TTN: variants seen among roughly 807,000 people sequenced by gnomAD.
The protein encoded by TTN is titin.
In TTN, 1,525 loss-of-function variants were observed where a neutral mutation model predicts 3,223.0. The ratio of observed to expected loss-of-function variants is 0.47; its 90% CI spans 0.45 to 0.49. TTN has a LOEUF of 0.49. Ranked by LOEUF, TTN falls within the 20% of genes least tolerant of loss-of-function variation. TTN has a pLI of 0.00. For missense variants in TTN, 40,786 were observed against 43,424.0 expected, an observed-to-expected ratio of 0.94 and a Z score of 5.40; for synonymous variants, 14,094 against 15,161.0, an observed-to-expected ratio of 0.93 and a Z score of 5.17.
Position 178,725,350 on chromosome 2 carries a change from G to T in TTN, c.20836+18C>A. On this transcript the variant is annotated intron_variant, in intron 71 of 362. Transcript: ENST00000589042. ...CCAGCATTTGGCACCAGTTTCTATCGTGGGCTATTGTACCAACCTAAGACC... is the reference window on the plus strand; with the variant it reads ...CCAGCATTTGGCACCAGTTTCTATCTTGGGCTATTGTACCAACCTAAGACC... The T allele has an allele frequency of 6.9e-7, 1 of 1,455,392 alleles. No homozygotes were observed. 90.2% of individuals were successfully genotyped at this position (1,455,392 alleles called of 1,614,324 possible).
At chr2:178,642,923 C>T (rs139390245) in intron 218 of TTN, among the ~76,000 whole-genome samples, 1 of 151,990 alleles carries the variant, frequency 6.6e-6, no homozygotes, top group East Asian at 1.9e-4. Context: ...GTTGGAAGCT[C>T]GTTTTTCATG....
chr2:178,622,128 A>G, intron 243 of TTN, 120 bp from the exon 244 acceptor site: 1 of 938,376 alleles, frequency 1.1e-6, no homozygotes, highest in Non-Finnish European at 1.6e-6. Context: ...TAGTGTGAAG[A>G]AGAACCAAGG....
At chr2:178,708,276 A>C (rs2076164303) in intron 99 of TTN, among the ~76,000 whole-genome samples, 2 of 152,174 alleles carry the variant, frequency 1.3e-5, no homozygotes, top group Admixed American at 1.3e-4. Context: ...GAGCCCACAT[A>C]TTTATATGTG....
Position 178,800,404 on chromosome 2 carries a change from G to T in TTN, c.574C>A (p.Leu192Met). ...AACCTCCAGCACGTACCTTGAACCA[G>T]TAATTCAGCAGTCGAAGTAGCTCTT... The part of the protein sequence containing the change: ...VGRATSTAEL[L>M]VQGEEEVPAK... Residue 192 changes from leucine to methionine, a missense_variant, in exon 4 of 363, where the codon CTG becomes ATG. Coordinates refer to ENST00000589042, the MANE Select transcript of TTN (RefSeq NM_001267550.2). 1 of 1,614,106 alleles carries T rather than the reference G, an allele frequency of 6.2e-7. No individual in the cohort carries two copies. The highest frequency in any genetic ancestry group is 8.5e-7 in the Non-Finnish European group (1 of 1,179,984).
chr2:178,735,898 G>A lies in TTN; in HGVS notation c.14548C>T (p.His4850Tyr). Residue 4850 changes from histidine to tyrosine, a missense_variant, in exon 50 of 363, where the codon CAC becomes TAC. Transcript: ENST00000589042. Reference sequence around the variant, plus strand: ...GTAAGGTTTGAGAGTTCTAAAATGTGTTTGTTTTCTGCGTCGGAAATCCTC... The same window carrying A: ...GTAAGGTTTGAGAGTTCTAAAATGTATTTGTTTTCTGCGTCGGAAATCCTC... ...NWRISDAENKHILELSNLTIQ... is the reference protein window; with the variant it reads ...NWRISDAENKYILELSNLTIQ... 6.2e-7 allele frequency: 1 copy of A among 1,613,896 alleles called. No individual in the cohort carries two copies. Among genetic ancestry groups the A allele is most frequent in the African/African-American group, 1.3e-5 (1 of 75,056 alleles).
At chr2:178,757,236 A>G (rs1047285361) in intron 45 of TTN, among the ~76,000 whole-genome samples, 1 of 262 alleles carries the variant, frequency 3.8e-3, no homozygotes, top group African/African-American at 6.6e-3. Flanking sequence ...AATAATCAGC[A>G]AATAGATCAT....
In TTN at chr2:178,568,770, G is replaced by A. The variant is rs939575680; in HGVS notation, c.77362C>T (p.Pro25788Ser). Residue 25788 changes from proline (P) to serine (S), a missense_variant, in exon 326 of 363, where the codon CCA (proline) becomes TCA (serine). Physicochemically the swap from Pro to Ser is moderately conservative, Grantham distance 74. Coordinates refer to ENST00000589042, the MANE Select transcript of TTN (RefSeq NM_001267550.2). Reference sequence around the variant, plus strand: ...ATTACCAGATCTTTGGCAACTATTGGAACTGCAAGGGACCGAGGATCACTT... The same window carrying A: ...ATTACCAGATCTTTGGCAACTATTGAAACTGCAAGGGACCGAGGATCACTT... ...GRSDPRSLAV[P>S]IVAKDLVIEP... 6.2e-7 allele frequency: 1 copy of A among 1,612,760 alleles called. No homozygotes were observed.
Position 178,537,208 on chromosome 2 carries a change from C to T in TTN, c.99901G>A (p.Glu33301Lys), listed in dbSNP as rs72648278. The change falls in exon 356 of 363, where the codon GAA (glutamate) becomes AAA (lysine). Residue 33301 changes from glutamate (E) to lysine (K), a missense_variant. Coordinates refer to ENST00000589042, the MANE Select transcript of TTN (RefSeq NM_001267550.2). ...ACTGCGGAGTTCTTCAATAGAGCTT[C>T]GATCACAATTGGTCCTGTAGGTTTG... ...PDKPTGPIVI[E>K]ALLKNSAVIS... is the part of the protein sequence containing the mutation. 868 of 1,610,328 alleles carry T rather than the reference C, an allele frequency of 5.4e-4. No homozygotes were observed. Among genetic ancestry groups the T allele is most frequent in the Non-Finnish European group, 6.9e-4 (808 of 1,177,238 alleles).
chr2:178,630,405 A>G, intron 238 of TTN, 38 bp from the exon 239 acceptor site: 1 of 1,555,672 alleles, frequency 6.4e-7, no homozygotes, highest in East Asian at 2.3e-5. Context: ...ATAGAAAATA[A>G]TTTTCTTTGA....
chr2:178,741,421 G>A lies in TTN; in HGVS notation c.11812C>T (p.Pro3938Ser), dbSNP rs866702787. 5.0e-6 allele frequency: 8 copies of A among 1,613,896 alleles called. No homozygotes were observed. The highest frequency in any genetic ancestry group is 1.1e-5 in the South Asian group (1 of 91,078). ...SLEKLGGPCP[P>S]HFLKELKPIR... is the part of the protein sequence containing the mutation. ...GGTTTTAACTCCTTAAGGAAGTGAG[G>A]AGGACAAGGACCTCCCAGCTTTTCC... The change falls in exon 48 of 363, where the codon CCT (proline) becomes TCT (serine). Residue 3938 changes from proline to serine, a missense_variant. By Grantham distance (74) the Pro-to-Ser change is moderately conservative (BLOSUM62 -1). Transcript: ENST00000589042.
At chr2:178,550,683 A>T (rs892199230) in intron 336 of TTN, 1 of 452,302 alleles carries the variant, frequency 2.2e-6, no homozygotes. Context: ...ATTCTCGAGA[A>T]CCTTTTCTTT....
intron 149 of TTN, 53 bp from the exon 150 acceptor site, chr2:178,675,166 AT>A (rs1560280829): frequency 8.1e-7 from 1 of 1,241,880 alleles, no homozygotes; most frequent in East Asian, 2.6e-5. Context: ...CCAAAGAAGA[AT>A]AAAGACCACG....
Position 178,694,883 on chromosome 2 carries a change from T to C in TTN, c.31294A>G (p.Lys10432Glu). 1.9e-6 allele frequency: 3 copies of C among 1,557,024 alleles called. No individual in the cohort carries two copies. The highest frequency in any genetic ancestry group is 2.6e-6 in the Non-Finnish European group (3 of 1,149,008). ...ATTCTTCGAGAAGTCTTTTCAATTT[T>C]TTCAATTACTGGCTTCTTTATAACT... Reference protein sequence around the residue: ...PKVIKKPVIEKIEKTSRRMEE... With the variant: ...PKVIKKPVIEEIEKTSRRMEE... Residue 10432 changes from lysine (K) to glutamate (E), a missense_variant, in exon 116 of 363, where the codon AAA (lysine) becomes GAA (glutamate). Transcript: ENST00000589042.
rs1687030175 is a variant in TTN, at chr2:178,527,694, C to G, written c.107432G>C (p.Ser35811Thr). 3.1e-6 allele frequency: 5 copies of G among 1,612,832 alleles called. No individual in the cohort carries two copies. The highest frequency in any genetic ancestry group is 4.2e-6 in the Non-Finnish European group (5 of 1,179,102). The stretch of plus-strand genomic sequence containing the variant: ...CTGAGACGAGAAGCTTCCTTGCAAG[C>G]TTGTGTCACCACTTGTTCTCAATAC... ...EVVLRTSGDT[S>T]LQGSFSSQSV... The change falls in exon 362 of 363, where the codon AGC becomes ACC. Residue 35811 changes from serine to threonine, a missense_variant. Physicochemically the swap from Ser to Thr is moderately conservative, Grantham distance 58. Coordinates refer to ENST00000589042, the MANE Select transcript of TTN (RefSeq NM_001267550.2).
In TTN at chr2:178,533,122, A is replaced by G; in HGVS notation, c.103493T>C (p.Val34498Ala). Residue 34498 changes from valine to alanine, a missense_variant, in exon 358 of 363, where the codon GTA becomes GCA. Coordinates refer to ENST00000589042, the MANE Select transcript of TTN (RefSeq NM_001267550.2). The part of the protein sequence containing the change: ...SGTESVPLTQ[V>A]AKEALREAAV... ...AGCTTCTCTCAGAGCCTCTTTAGCT[A>G]CCTGTGTCAGTGGTACACTTTCAGT... 6.2e-7 allele frequency: 1 copy of G among 1,613,926 alleles called. No individual in the cohort carries two copies. The highest frequency in any genetic ancestry group is 8.5e-7 in the Non-Finnish European group (1 of 1,179,860).
Position 178,722,513 on chromosome 2 carries a change from A to C in TTN, c.22274T>G (p.Leu7425Ter). 2.5e-6 allele frequency: 4 copies of C among 1,612,786 alleles called. No individual in the cohort carries two copies. Among genetic ancestry groups the C allele is most frequent in the Non-Finnish European group, 3.4e-6 (4 of 1,179,208 alleles). Reference protein sequence around the residue: ...RQLPPSFARQLKDIEQTVGLP... With the variant: ...RQLPPSFARQ ...CCCCACAGTTTGTTCAATGTCCTTT[A>C]ATTGTCTTGCAAAAGAAGGTGGGAG... Residue 7425 changes from leucine (L) to a stop codon, truncating the protein, a stop_gained, in exon 77 of 363, where the codon TTA (leucine) becomes TGA (stop). Coordinates refer to ENST00000589042, the MANE Select transcript of TTN (RefSeq NM_001267550.2). LOFTEE classifies it high-confidence loss of function.
Position 178,625,260 on chromosome 2 carries a change from G to A in TTN, c.44548+13C>T. The A allele has an allele frequency of 6.2e-7, 1 of 1,603,690 alleles. No homozygotes were observed. The highest frequency in any genetic ancestry group is 8.5e-7 in the Non-Finnish European group (1 of 1,175,608). On this transcript the variant is annotated intron_variant, in intron 241 of 362. Coordinates refer to ENST00000589042, the MANE Select transcript of TTN (RefSeq NM_001267550.2). ...TGCCTTATACATGTTTTTAAAATAAGCCTTGTAATTACCTTTCACAAAGAG... is the reference window on the plus strand; with the variant it reads ...TGCCTTATACATGTTTTTAAAATAAACCTTGTAATTACCTTTCACAAAGAG...
intron 163 of TTN, among the ~76,000 whole-genome samples, chr2:178,666,071 T>C (rs2065876649): frequency 6.6e-6 from 1 of 152,108 alleles, no homozygotes. Context: ...ATGCTATACC[T>C]CTAGCTATTA....
chr2:178,607,285 G>C lies in TTN; in HGVS notation c.53317C>G (p.Pro17773Ala). The C allele has an allele frequency of 6.2e-7, 1 of 1,612,618 alleles. No individual in the cohort carries two copies. ...DVPGPVLDLKPVVTNRKMCLL... is the reference protein window; with the variant it reads ...DVPGPVLDLKAVVTNRKMCLL... ...CACATTTTTCTGTTTGTTACAACAG[G>C]TTTTAAGTCAAGAACTGGACCAGGG... is the stretch of plus-strand genomic sequence containing the variant. The change falls in exon 278 of 363, where the codon CCT becomes GCT. Residue 17773 changes from proline (P) to alanine (A), a missense_variant. Physicochemically the swap from Pro to Ala is conservative, Grantham distance 27. Coordinates refer to ENST00000589042, the MANE Select transcript of TTN (RefSeq NM_001267550.2).
Sources: gnomAD v4.1 joint callset for allele counts (sites outside exome capture counted in the v4.1 genomes callset) on GRCh38, gnomAD v4.1.1 for gene constraint, MANE v1.5 for transcripts, NCBI Gene and HGNC (gene_info 2026-07-23, HGNC 2026-07-21) for gene names.